The following HMCN1 variants were observed in gnomAD, a reference collection of about 807,000 sequenced individuals.
HMCN1 encodes hemicentin-1.
In HMCN1, 321 loss-of-function variants were observed where a neutral mutation model predicts 625.9. The ratio of observed to expected loss-of-function variants is 0.51; its 90% CI spans 0.47 to 0.56. The LOEUF is 0.56. HMCN1 is among the 20% of genes least tolerant of loss of function. HMCN1 has a pLI of 0.00. For missense variants in HMCN1, 6,588 were observed against 6,887.3 expected (o/e 0.96, Z 1.54); for synonymous variants, 2,425 against 2,417.6 (o/e 1.00, Z -0.09).
intron 6 of HMCN1, among the ~76,000 whole-genome samples, chr1:185,916,221 A>G (rs1282827692): frequency 6.6e-6 from 1 of 152,162 alleles, no homozygotes; most frequent in East Asian, 1.9e-4. Flanking sequence ...AGCTCACAGT[A>G]GGTTCTTAAT....
Position 186,087,208 on chromosome 1 carries a change from T to G in HMCN1, c.9047-9T>G. 6.4e-7 allele frequency: 1 copy of G among 1,567,228 alleles called. No homozygotes were observed. Among genetic ancestry groups the G allele is most frequent in the South Asian group, 1.1e-5 (1 of 90,150 alleles). On this transcript the variant is annotated splice_polypyrimidine_tract_variant and intron_variant, in intron 58 of 106. Transcript: ENST00000271588. The stretch of plus-strand genomic sequence containing the variant: ...ACCACTCTACAATTTGCATTCTATT[T>G]ACCTACAGGTGGTCGAACTCTACAG...
chr1:185,998,203 T>C (rs1346553911), intron 25 of HMCN1, among the ~76,000 whole-genome samples: 1 of 152,120 alleles, frequency 6.6e-6, no homozygotes, highest in East Asian at 1.9e-4. Flanking sequence ...AAAGCAGGTT[T>C]GTATGAGTTC....
chr1:185,909,570 ACACACTTGTTTTTGTCAAGTTAATGC>A, intron 5 of HMCN1, 62 bp downstream of exon 5: 1 of 1,423,872 alleles, frequency 7.0e-7, no homozygotes, highest in Non-Finnish European at 9.9e-7. Context: ...AATACTTTTC[ACACACTTGTTTTTGTCAAGTTAATGC>A]CAACTTCATG....
chr1:186,017,847 G>C (rs1043552498), intron 33 of HMCN1, among the ~76,000 whole-genome samples: 3 of 151,822 alleles, frequency 2.0e-5, no homozygotes, highest in Non-Finnish European at 4.4e-5. Context: ...TTTTTATTCA[G>C]GTATGCATGC....
intron 6 of HMCN1, among the ~76,000 whole-genome samples, chr1:185,914,565 T>G (rs1046058107): frequency 6.6e-6 from 1 of 152,076 alleles, no homozygotes; most frequent in Non-Finnish European, 1.5e-5. Context: ...TCAAATATAA[T>G]TTTGTACTGT....
Position 186,117,030 on chromosome 1 carries a change from T to G in HMCN1, c.11598T>G (p.Pro3866=), listed in dbSNP as rs1228465434. 4 of 1,613,378 alleles carry G rather than the reference T, an allele frequency of 2.5e-6. No homozygotes were observed. Among genetic ancestry groups the G allele is most frequent in the Non-Finnish European group, 3.4e-6 (4 of 1,179,440 alleles). ...LSSGSLVIIS[P]SVDDTATYEC... is the part of the protein sequence containing the mutation. The stretch of plus-strand genomic sequence containing the variant: ...CAGGTTCACTAGTAATTATTTCCCC[T>G]TCTGTGGATGACACTGCAACCTATG... Residue 3866 remains proline (P), a synonymous_variant, in exon 76 of 107, where the codon CCT becomes CCG. Transcript: ENST00000271588.
intron 1 of HMCN1, among the ~76,000 whole-genome samples, chr1:185,809,462 T>C (rs1306277979): frequency 6.6e-6 from 1 of 151,768 alleles, no homozygotes; most frequent in East Asian, 1.9e-4. Context: ...TATGTGCACA[T>C]GTATATACAT....
intron 4 of HMCN1, among the ~76,000 whole-genome samples, chr1:185,879,470 C>T (rs12239000): frequency 0.03 from 4,641 of 152,240 alleles, 255 homozygotes; most frequent in African/African-American, 0.11. Flanking sequence ...CCTTGCCTGA[C>T]TCATGTGATC....
intron 4 of HMCN1, among the ~76,000 whole-genome samples, chr1:185,883,411 C>A (rs1558037575): frequency 6.6e-6 from 1 of 152,076 alleles, no homozygotes; most frequent in Non-Finnish European, 1.5e-5. Context: ...CTTTCACTCA[C>A]TTCTGCTCCC....
chr1:186,120,150 C>G lies in HMCN1; in HGVS notation c.12229+5C>G. On this transcript the variant is annotated splice_donor_5th_base_variant and intron_variant, in intron 80 of 106. Transcript: ENST00000271588. ...AAATCAAGTTAAATGTCCAAGGTAC[C>G]TAAATAATTCATCTCTGTTTTCAAT... 1.9e-6 allele frequency: 3 copies of G among 1,613,394 alleles called. No individual in the cohort carries two copies. The highest frequency in any genetic ancestry group is 2.5e-6 in the Non-Finnish European group (3 of 1,179,620).
At chr1:186,172,650 G>T (rs984971548) in intron 102 of HMCN1, among the ~76,000 whole-genome samples, 1 of 152,122 alleles carries the variant, frequency 6.6e-6, no homozygotes, top group African/African-American at 2.4e-5. Flanking sequence ...CCCTACATTT[G>T]TTCTGTGTAT....
At chr1:185,802,251 T>C (rs1177207115) in intron 1 of HMCN1, among the ~76,000 whole-genome samples, 2 of 152,142 alleles carry the variant, frequency 1.3e-5, no homozygotes, top group African/African-American at 2.4e-5. Flanking sequence ...TGGGAACCAG[T>C]AGAAAATAAT....
intron 1 of HMCN1, among the ~76,000 whole-genome samples, chr1:185,830,021 A>AT (rs911738285): frequency 2.0e-5 from 3 of 151,938 alleles, no homozygotes; most frequent in African/African-American, 7.2e-5. Flanking sequence ...TTTTTCATGT[A>AT]TTTTTTGGCT....
chr1:185,887,245 T>G (rs894798330), intron 4 of HMCN1, among the ~76,000 whole-genome samples: 1 of 152,170 alleles, frequency 6.6e-6, no homozygotes, highest in South Asian at 2.1e-4. Context: ...TCATCCATAC[T>G]AAGCAGCAGT....
At chr1:186,089,022 G>A (rs1182318679) in intron 63 of HMCN1, among the ~76,000 whole-genome samples, 1 of 151,682 alleles carries the variant, frequency 6.6e-6, no homozygotes, top group Non-Finnish European at 1.5e-5. Context: ...TCTTTCTATA[G>A]TATATATCTA....
chr1:186,164,361 T>C (rs1474129771), intron 97 of HMCN1, among the ~76,000 whole-genome samples: 1 of 151,570 alleles, frequency 6.6e-6, no homozygotes, highest in Non-Finnish European at 1.5e-5. Context: ...TGCCTCAGTC[T>C]CCTGAGTAGC....
In HMCN1 at chr1:185,819,960, AAAAG is replaced by A. The variant is rs375555701; in HGVS notation, c.269-26061_269-26058del. The stretch of plus-strand genomic sequence containing the variant: ...AGGCATGGCAAGTCACAGGAGAAGA[AAAAG>A]AAAGCCTAGAGAAGGTGCAGGAAAT... On this transcript the variant is annotated intron_variant, in intron 1 of 106. Coordinates refer to ENST00000271588, the MANE Select transcript of HMCN1 (RefSeq NM_031935.3). Among the ~76,000 whole-genome samples, 58 of 152,306 alleles carry A rather than the reference AAAAG, an allele frequency of 3.8e-4. No homozygotes were observed. The East Asian group carries it at 6.6e-3, about 17-fold the overall frequency.
At position 186,120,128 on chromosome 1, in the gene HMCN1, T is replaced by A. The variant is rs1661333061; in HGVS notation, c.12212T>A (p.Ile4071Asn). The change falls in exon 80 of 107, where the codon ATC becomes AAC. Residue 4071 changes from isoleucine to asparagine, a missense_variant. Physicochemically the swap from Ile to Asn is moderately radical, Grantham distance 149. Around this residue, in one of 3 missense-constraint regions of HMCN1, gnomAD observed 1,954 missense variants for 2,013.1 expected, o/e 0.97. Coordinates refer to ENST00000271588, the MANE Select transcript of HMCN1 (RefSeq NM_031935.3). ...CCGGCTGGTACAGCCTTGGGCAAAATCAAGTTAAATGTCCAAGGTACCTAA... is the reference window on the plus strand; with the variant it reads ...CCGGCTGGTACAGCCTTGGGCAAAAACAAGTTAAATGTCCAAGGTACCTAA... ...QNPAGTALGK[I>N]KLNVQVPPVI... is the part of the protein sequence containing the mutation. 5 of 1,613,910 alleles carry A rather than the reference T, an allele frequency of 3.1e-6. No homozygotes were observed. In the East Asian group the frequency reaches 1.1e-4, roughly 36 times the overall value.
rs193236531 is a variant in HMCN1 at position 186,019,162 on chromosome 1, G to A, written c.5471-379G>A. On this transcript the variant is annotated intron_variant, in intron 34 of 106. Coordinates refer to ENST00000271588, the MANE Select transcript of HMCN1 (RefSeq NM_031935.3). ...ACTCCACATTCAATCAGCCTTGCAG[G>A]GGGCAGAGTCATGCAGTATAAATAT... Among the ~76,000 whole-genome samples the A allele has an allele frequency of 8.6e-5, 13 of 152,038 alleles. No homozygotes were observed. The East Asian group carries it at 1.5e-3, about 18-fold the overall frequency.
Sources: gnomAD v4.1 joint callset for allele counts (sites outside exome capture counted in the v4.1 genomes callset) on GRCh38, gnomAD v4.1.1 for gene constraint, gnomAD v4.1.1 regional missense constraint, MANE v1.5 for transcripts, NCBI Gene and HGNC (gene_info 2026-07-23, HGNC 2026-07-21) for gene names.